The following MEIS2 variants were observed in gnomAD, a reference collection of about 807,000 sequenced individuals.
MEIS2 encodes the protein homeobox protein Meis2.
Under a neutral mutation model 58.6 loss-of-function variants are expected in MEIS2, and 9 were observed. The ratio of observed to expected loss-of-function variants is 0.15; its 90% CI spans 0.09 to 0.27. The LOEUF (loss-of-function observed/expected upper bound fraction) is 0.27, where lower values mean the gene tolerates loss of function less well. MEIS2 is among the 10% of genes least tolerant of loss of function. The pLI, the probability that MEIS2 is intolerant of heterozygous loss-of-function variation, is 1.00. For missense variants in MEIS2, 427 were observed against 635.0 expected, an observed-to-expected ratio of 0.67 and a Z score of 3.52; for synonymous variants, 221 against 228.4, an observed-to-expected ratio of 0.97 and a Z score of 0.29.
chr15:37,096,846 GA>G (rs374160560), intron 2 of MEIS2, among the ~76,000 whole-genome samples: 1 of 149,668 alleles, frequency 6.7e-6, no homozygotes, highest in African/African-American at 2.5e-5. Context: ...GTGTGAAATT[GA>G]AAAAAAAATA....
Position 37,038,355 on chromosome 15 carries a change from C to T in MEIS2, c.755-1396G>A, listed in dbSNP as rs558747355. Among the ~76,000 whole-genome samples, 6 of 152,368 alleles carry T rather than the reference C, an allele frequency of 3.9e-5. No homozygotes were observed. In the East Asian group the frequency reaches 1.2e-3, roughly 29 times the overall value. ...CACTGGGCCACTTGCCTTCTAACTT[C>T]TGGGTCTGCTCTGTGGGCTTCCCTG... On this transcript the variant is annotated intron_variant, in intron 7 of 11. Coordinates refer to ENST00000561208, the MANE Select transcript of MEIS2 (RefSeq NM_170675.5).
At chr15:37,066,871 G>T (rs1312561053) in intron 7 of MEIS2, among the ~76,000 whole-genome samples, 1 of 151,870 alleles carries the variant, frequency 6.6e-6, no homozygotes, top group Non-Finnish European at 1.5e-5. Flanking sequence ...CAAACTCCTG[G>T]TTGATCAAGG....
intron 8 of MEIS2, among the ~76,000 whole-genome samples, chr15:36,952,997 T>C (rs571751402): frequency 6.6e-6 from 1 of 152,222 alleles, no homozygotes; most frequent in South Asian, 2.1e-4. Context: ...GGGAAGACCA[T>C]AATAACTTTA....
At chr15:36,895,545 A>C (rs1257081130) in intron 10 of MEIS2, among the ~76,000 whole-genome samples, 1 of 152,194 alleles carries the variant, frequency 6.6e-6, no homozygotes, top group East Asian at 1.9e-4. Flanking sequence ...CGAAGGCTGG[A>C]GAAGTTAGGG....
intron 7 of MEIS2, among the ~76,000 whole-genome samples, chr15:37,043,812 C>T (rs892372334): frequency 2.0e-5 from 3 of 151,800 alleles, no homozygotes; most frequent in Admixed American, 6.6e-5. Context: ...TTCAGCCTCC[C>T]GAGTAGCTAG....
chr15:37,073,090 T>C (rs1464894549), intron 7 of MEIS2, among the ~76,000 whole-genome samples: 1 of 152,090 alleles, frequency 6.6e-6, no homozygotes, highest in Non-Finnish European at 1.5e-5. Context: ...ATATGGTCCA[T>C]AAATGTTCAA....
chr15:36,908,115 A>T (rs1411636020), intron 9 of MEIS2, among the ~76,000 whole-genome samples: 1 of 152,220 alleles, frequency 6.6e-6, no homozygotes, highest in African/African-American at 2.4e-5. Context: ...ATGTTCACAT[A>T]TCAAAGACCA....
At chr15:37,004,444 A>G (rs2060844023) in intron 8 of MEIS2, among the ~76,000 whole-genome samples, 1 of 152,228 alleles carries the variant, frequency 6.6e-6, no homozygotes, top group African/African-American at 2.4e-5. Flanking sequence ...TTATCAGCCA[A>G]TTCTCCAGGA....
rs76518254 is a variant in MEIS2 at position 36,894,453 on chromosome 15, T to C, written c.1147+698A>G. 4,525 of 247,830 alleles carry C rather than the reference T, an allele frequency of 0.018. 45 individuals are homozygous for C. The highest frequency in any genetic ancestry group is 0.043 in the Middle Eastern group (30 of 698). 15.4% of individuals were successfully genotyped at this position (247,830 alleles called of 1,614,324 possible). A position where few individuals can be genotyped will look rare whatever the true frequency, so the allele number is the denominator to read the frequency against. On this transcript the variant is annotated intron_variant, in intron 11 of 11. Coordinates refer to ENST00000561208, the MANE Select transcript of MEIS2 (RefSeq NM_170675.5). ...AATATCTGCCTGATGTCTGTGTTTG[T>C]GCACATTGGGGCCACAGTAAATAGG...
At chr15:37,082,816 G>C (rs916324894) in intron 7 of MEIS2, among the ~76,000 whole-genome samples, 2 of 151,976 alleles carry the variant, frequency 1.3e-5, no homozygotes, top group African/African-American at 4.8e-5. Flanking sequence ...AGGACAAAAG[G>C]CACCCTACTT....
At chr15:37,090,165 ATATTAT>A (rs539665721) in intron 6 of MEIS2, among the ~76,000 whole-genome samples, 3 of 152,004 alleles carry the variant, frequency 2.0e-5, no homozygotes, top group Non-Finnish European at 2.9e-5. Flanking sequence ...CTACCTATAA[ATATTAT>A]TATTATGTTA....
At chr15:36,903,281 C>T (rs1015933205) in intron 9 of MEIS2, among the ~76,000 whole-genome samples, 21 of 152,112 alleles carry the variant, frequency 1.4e-4, no homozygotes, top group Middle Eastern at 3.2e-3. Context: ...TTATCATGCA[C>T]TATAAAAGTG....
In MEIS2 at chr15:37,036,784, A is replaced by AT. The variant is rs199651822; in HGVS notation, c.900+29dup. 3,730 of 1,430,020 alleles carry AT rather than the reference A, an allele frequency of 2.6e-3. 1 individual carries two copies. Among genetic ancestry groups the AT allele is most frequent in the South Asian group, 7.2e-3 (563 of 77,752 alleles). 88.6% of individuals were successfully genotyped at this position (1,430,020 alleles called of 1,614,324 possible). ...ACTTGCTAGCAAAACAACAAAAACT[A>AT]TTTTTTTTTTCTCTTTCATCTTGAC... On this transcript the variant is annotated intron_variant, in intron 8 of 11. Transcript: ENST00000561208.
At chr15:36,960,393 T>C (rs1016021428) in intron 8 of MEIS2, among the ~76,000 whole-genome samples, 1 of 152,108 alleles carries the variant, frequency 6.6e-6, no homozygotes, top group African/African-American at 2.4e-5. Context: ...GAAGTAGCTG[T>C]AAACTAATGA....
chr15:37,080,972 CTG>C (rs1443634618), intron 7 of MEIS2, among the ~76,000 whole-genome samples: 1 of 152,138 alleles, frequency 6.6e-6, no homozygotes, highest in Non-Finnish European at 1.5e-5. Context: ...ACCTGTGTAA[CTG>C]TAGCTGTTTC....
At chr15:36,925,518 C>A (rs1567060482) in intron 9 of MEIS2, among the ~76,000 whole-genome samples, 1 of 152,126 alleles carries the variant, frequency 6.6e-6, no homozygotes, top group Non-Finnish European at 1.5e-5. Flanking sequence ...TTCATAAATA[C>A]CAACCAAATT....
intron 7 of MEIS2, among the ~76,000 whole-genome samples, chr15:37,067,995 A>C (rs1424125417): frequency 6.6e-6 from 1 of 152,172 alleles, no homozygotes; most frequent in Non-Finnish European, 1.5e-5. Flanking sequence ...AGCATATTGT[A>C]TTATAGATGC....
chr15:36,906,592 ATGTTACCT>A (rs1196677991), intron 9 of MEIS2, among the ~76,000 whole-genome samples: 1 of 147,476 alleles, frequency 6.8e-6, no homozygotes, highest in Non-Finnish European at 1.5e-5. Flanking sequence ...AATTTTTCAA[ATGTTACCT>A]TTGGTTTGAC....
At chr15:36,990,730 A>C (rs764378307) in intron 8 of MEIS2, among the ~76,000 whole-genome samples, 3 of 152,102 alleles carry the variant, frequency 2.0e-5, no homozygotes, top group Non-Finnish European at 4.4e-5. Context: ...AGTATATTGT[A>C]GATTTTAAAA....
Sources: gnomAD v4.1 joint callset for allele counts (sites outside exome capture counted in the v4.1 genomes callset) on GRCh38, gnomAD v4.1.1 for gene constraint, MANE v1.5 for transcripts, NCBI Gene and HGNC (gene_info 2026-07-23, HGNC 2026-07-21) for gene names.